The following ANO2 variants were observed in gnomAD, a reference collection of about 807,000 sequenced individuals.
ANO2 encodes the protein anoctamin 2, also known as anoctamin-2.
A neutral mutation model predicts 124.2 loss-of-function variants in ANO2; 101 were observed. The ratio of observed to expected loss-of-function variants is 0.81; its 90% CI spans 0.69 to 0.96. ANO2 has a LOEUF of 0.96. ANO2 is among the 40% of genes least tolerant of loss of function. The pLI, the probability that ANO2 is intolerant of heterozygous loss-of-function variation, is 0.00. For missense variants in ANO2, 1,293 were observed against 1,274.5 expected (o/e 1.01, Z -0.22); for synonymous variants, 486 against 482.5 (o/e 1.01, Z -0.09).
At chr12:5,851,102 G>C (rs1023547518) in intron 4 of ANO2, among the ~76,000 whole-genome samples, 1 of 152,136 alleles carries the variant, frequency 6.6e-6, no homozygotes. Context: ...AAAATGCAAA[G>C]TGGGGAGAGA....
chr12:5,602,859 G>T (rs995883032), intron 19 of ANO2, among the ~76,000 whole-genome samples: 1 of 152,172 alleles, frequency 6.6e-6, no homozygotes, highest in African/African-American at 2.4e-5. Flanking sequence ...GACACTAGAA[G>T]ACTCTGCAGA....
intron 19 of ANO2, among the ~76,000 whole-genome samples, chr12:5,604,697 A>T (rs961454443): frequency 6.6e-6 from 1 of 152,142 alleles, no homozygotes; most frequent in Admixed American, 6.5e-5. Flanking sequence ...AGTCCTGTGA[A>T]TTTATCATTC....
Position 5,806,092 on chromosome 12 carries a change from C to T in ANO2, c.950G>A (p.Gly317Asp), listed in dbSNP as rs765660266. The change falls in exon 9 of 25, where the codon GGT becomes GAT. Residue 317 changes from glycine to aspartate, a missense_variant and splice_region_variant. Transcript: ENST00000682330. Reference sequence around the variant, plus strand: ...ATCGTCCTCTGGACTATCGTATTCACCCTGTGGAGAAAAAGTGATGCTGGA... The same window carrying T: ...ATCGTCCTCTGGACTATCGTATTCATCCTGTGGAGAAAAAGTGATGCTGGA... ...IYEAAYPLHD[G>D]EYDSPEDDMN... 19 of 1,613,318 alleles carry T rather than the reference C, an allele frequency of 1.2e-5. No homozygotes were observed. The South Asian group carries it at 1.9e-4, about 16-fold the overall frequency.
At chr12:5,934,785 GTCCCTCATCATTC>G (rs983629500) in intron 1 of ANO2, among the ~76,000 whole-genome samples, 1 of 152,132 alleles carries the variant, frequency 6.6e-6, no homozygotes, top group African/African-American at 2.4e-5. Flanking sequence ...CTCCCTCCGT[GTCCCTCATCATTC>G]TCCACCACCC....
intron 4 of ANO2, among the ~76,000 whole-genome samples, chr12:5,851,294 G>T (rs901231686): frequency 2.6e-5 from 4 of 152,216 alleles, no homozygotes; most frequent in Admixed American, 2.6e-4. Flanking sequence ...GCATAAGCAT[G>T]TGAAAAGATA....
chr12:5,851,323 C>T (rs1380102860), intron 4 of ANO2, among the ~76,000 whole-genome samples: 1 of 152,068 alleles, frequency 6.6e-6, no homozygotes, highest in South Asian at 2.1e-4. Context: ...ACCAGAGGGA[C>T]CAAAGGCAAG....
intron 14 of ANO2, among the ~76,000 whole-genome samples, chr12:5,702,710 T>C (rs1219978489): frequency 2.0e-5 from 3 of 152,166 alleles, no homozygotes; most frequent in Non-Finnish European, 1.5e-5. Flanking sequence ...AATAATAGAA[T>C]AGCTTTATGA....
At chr12:5,732,983 G>A in intron 13 of ANO2, 1 of 1,303,306 alleles carries the variant, frequency 7.7e-7, no homozygotes, top group Non-Finnish European at 1.1e-6. Flanking sequence ...GAGGCAGAGG[G>A]ATATCCCTGG....
At chr12:5,625,556 A>C (rs1422302539) in intron 16 of ANO2, among the ~76,000 whole-genome samples, 2 of 152,138 alleles carry the variant, frequency 1.3e-5, no homozygotes, top group Non-Finnish European at 2.9e-5. Context: ...TGGACACATT[A>C]AATTCTTGGC....
intron 11 of ANO2, among the ~76,000 whole-genome samples, chr12:5,749,927 T>C (rs1951386283): frequency 6.6e-6 from 1 of 151,772 alleles, no homozygotes; most frequent in Non-Finnish European, 1.5e-5. Flanking sequence ...GCTTCTTTCC[T>C]TTTCCTTTTT....
rs1425846390 is a variant in ANO2 at position 5,658,723 on chromosome 12, TATC to T, written c.1546-10925_1546-10923del. The stretch of plus-strand genomic sequence containing the variant: ...GCATCAATATTATCATTGTCATCAA[TATC>T]ATCATCATCATCATCAACATCATTA... On this transcript the variant is annotated intron_variant, in intron 14 of 24. Coordinates refer to ENST00000682330, the MANE Select transcript of ANO2 (RefSeq NM_001364791.2). This position sits in a 1 kb window ranked among gnomAD's most constrained non-coding sequence, Gnocchi z 4.3. Among the ~76,000 whole-genome samples, 1,069 of 148,650 alleles carry T rather than the reference TATC, an allele frequency of 7.2e-3. 24 individuals carry two copies. Among genetic ancestry groups the T allele is most frequent in the African/African-American group, 0.025 (966 of 38,794 alleles).
chr12:5,836,202 G>A (rs1445626528), intron 4 of ANO2, among the ~76,000 whole-genome samples: 1 of 152,050 alleles, frequency 6.6e-6, no homozygotes, highest in Non-Finnish European at 1.5e-5. Context: ...TCTTGCTAAG[G>A]GTTGCCAGAT....
At chr12:5,744,395 C>A in intron 11 of ANO2, 78 bp from the exon 12 acceptor site, 1 of 1,509,910 alleles carries the variant, frequency 6.6e-7, no homozygotes, top group South Asian at 1.2e-5. Flanking sequence ...CCCCAAATAG[C>A]TCCCATTTCC....
intron 1 of ANO2, 139 bp downstream of exon 1, chr12:5,945,057 T>G: frequency 1.6e-6 from 1 of 626,776 alleles, no homozygotes; most frequent in East Asian, 1.2e-4. Flanking sequence ...AAAAACGGGG[T>G]CAACTTCCCG....
chr12:5,931,074 C>T (rs900467140), intron 1 of ANO2, among the ~76,000 whole-genome samples: 14 of 152,158 alleles, frequency 9.2e-5, no homozygotes, highest in African/African-American at 1.9e-4. Context: ...TGGGCTCACA[C>T]CACAGCTACT....
At chr12:5,626,396 A>C (rs554327999) in intron 16 of ANO2, among the ~76,000 whole-genome samples, 3 of 152,226 alleles carry the variant, frequency 2.0e-5, no homozygotes, top group East Asian at 3.9e-4. Flanking sequence ...GCCCAGCCTA[A>C]AGGAGAAGAC....
At chr12:5,890,722 G>A (rs1939334592) in intron 3 of ANO2, among the ~76,000 whole-genome samples, 1 of 152,192 alleles carries the variant, frequency 6.6e-6, no homozygotes, top group South Asian at 2.1e-4. Flanking sequence ...ATCTGAGTTG[G>A]TACACAATCA....
chr12:5,734,902 G>A (rs907917831), intron 13 of ANO2, among the ~76,000 whole-genome samples: 11 of 152,092 alleles, frequency 7.2e-5, no homozygotes, highest in African/African-American at 1.2e-4. Flanking sequence ...CACCCGCCTC[G>A]GCCTCCCAAA....
Position 5,827,812 on chromosome 12 carries a change from CT to C in ANO2, c.848del (p.Glu283GlyfsTer3). On this transcript the variant is annotated frameshift_variant, in exon 7 of 25. Coordinates refer to ENST00000682330, the MANE Select transcript of ANO2 (RefSeq NM_001364791.2). LOFTEE classifies it high-confidence loss of function. ...GGGAGCAGGCTGTGCGCTTCAGGATCTCGTGCACCTAAAAGGGGACGACAGC... is the reference window on the plus strand; with the variant it reads ...GGGAGCAGGCTGTGCGCTTCAGGATCCGTGCACCTAAAAGGGGACGACAGC... ...DNATRSRIVHEILKRTACSRA... is the reference protein window; with the variant it reads ...DNATRSRIVHXILKRTACSRA... 1.9e-6 allele frequency: 3 copies of C among 1,611,216 alleles called. No homozygotes were observed. The highest frequency in any genetic ancestry group is 2.5e-6 in the Non-Finnish European group (3 of 1,178,892).
Sources: gnomAD v4.1 joint callset for allele counts (sites outside exome capture counted in the v4.1 genomes callset) on GRCh38, gnomAD v4.1.1 for gene constraint, Gnocchi (gnomAD v3.1) non-coding constraint, MANE v1.5 for transcripts, NCBI Gene and HGNC (gene_info 2026-07-23, HGNC 2026-07-21) for gene names.